KCNQ5: variants seen among roughly 807,000 people sequenced by gnomAD.
KCNQ5 encodes potassium voltage-gated channel subfamily Q member 5, also known as potassium voltage-gated channel subfamily KQT member 5.
Under a neutral mutation model 98.2 loss-of-function variants are expected in KCNQ5, and 30 were observed. That is an observed-to-expected ratio of 0.31 (90% CI 0.23 to 0.41). The LOEUF (loss-of-function observed/expected upper bound fraction) is 0.41. Among genes scored for constraint, KCNQ5 ranks in the 10% least tolerant of loss-of-function variants. KCNQ5 has a pLI of 1.00. For synonymous variants in KCNQ5, 458 were observed against 449.4 expected, an observed-to-expected ratio of 1.02 and a Z score of -0.24; for missense variants, 835 against 1,182.5, an observed-to-expected ratio of 0.71 and a Z score of 4.31.
rs1562129353 is a variant in KCNQ5 at position 73,017,643 on chromosome 6, C to T, written c.489+13645C>T. ...CAGGCTGGATTCAATGAAAACGCTG[C>T]AGACCTGGCTCCCTCCAGGGCTATA... On this transcript the variant is annotated intron_variant, in intron 2 of 13. Transcript: ENST00000370398. Among the ~76,000 whole-genome samples the T allele has an allele frequency of 2.6e-5, 4 of 152,294 alleles. No individual in the cohort carries two copies. The South Asian group carries it at 8.3e-4, about 32-fold the overall frequency.
intron 1 of KCNQ5, among the ~76,000 whole-genome samples, chr6:72,887,367 T>G (rs1284113007): frequency 3.3e-5 from 5 of 151,932 alleles, no homozygotes; most frequent in African/African-American, 1.2e-4. Context: ...TTATTCACCA[T>G]CACAAGAACA....
chr6:72,986,781 C>G, intron 1 of KCNQ5: 1 of 1,465,746 alleles, frequency 6.8e-7, no homozygotes, highest in South Asian at 1.1e-5. Context: ...GAAGAGGAAA[C>G]CAGAGTTGGC....
chr6:72,999,621 G>A (rs986654446), intron 1 of KCNQ5, among the ~76,000 whole-genome samples: 3 of 152,138 alleles, frequency 2.0e-5, no homozygotes, highest in African/African-American at 7.2e-5. Flanking sequence ...TTTTATGTGT[G>A]CCATGGGCCC....
At chr6:72,660,900 C>G (rs894029113) in intron 1 of KCNQ5, among the ~76,000 whole-genome samples, 1 of 151,744 alleles carries the variant, frequency 6.6e-6, no homozygotes, top group African/African-American at 2.4e-5. Flanking sequence ...TAATGATGGC[C>G]GGAACCAAAG....
At chr6:73,174,970 G>A (rs189077782) in intron 11 of KCNQ5, among the ~76,000 whole-genome samples, 7 of 152,132 alleles carry the variant, frequency 4.6e-5, no homozygotes, top group East Asian at 3.9e-4. Context: ...AGCTCCACCC[G>A]CTTCCATGAT....
chr6:72,945,756 G>C (rs942329493), intron 1 of KCNQ5, among the ~76,000 whole-genome samples: 8 of 151,942 alleles, frequency 5.3e-5, no homozygotes, highest in Non-Finnish European at 8.8e-5. Context: ...CTCCCCACCT[G>C]ATATATGTAT....
At chr6:73,063,740 TAGATA>T (rs1772927363) in intron 3 of KCNQ5, among the ~76,000 whole-genome samples, 1 of 142,950 alleles carries the variant, frequency 7.0e-6, no homozygotes, top group Non-Finnish European at 1.6e-5. Flanking sequence ...GATAGATAGA[TAGATA>T]GATAGATAGA....
At chr6:72,752,244 A>G (rs886236826) in intron 1 of KCNQ5, among the ~76,000 whole-genome samples, 1 of 152,134 alleles carries the variant, frequency 6.6e-6, no homozygotes, top group African/African-American at 2.4e-5. Context: ...CGTTAGTTAC[A>G]AACTAATTTC....
intron 2 of KCNQ5, among the ~76,000 whole-genome samples, chr6:73,022,720 T>A (rs1039007664): frequency 6.6e-6 from 1 of 152,142 alleles, no homozygotes; most frequent in Non-Finnish European, 1.5e-5. Flanking sequence ...CCTAAGTAAG[T>A]AGAATGAAAG....
At chr6:72,631,830 T>A (rs1371010351) in intron 1 of KCNQ5, among the ~76,000 whole-genome samples, 1 of 152,356 alleles carries the variant, frequency 6.6e-6, no homozygotes, top group South Asian at 2.1e-4. Flanking sequence ...GAAGTTTTTT[T>A]ATCACAAATA....
chr6:72,830,831 CT>C, intron 1 of KCNQ5, among the ~76,000 whole-genome samples: 1 of 152,234 alleles, frequency 6.6e-6, no homozygotes, highest in South Asian at 2.1e-4. Flanking sequence ...TTGCAATCTA[CT>C]CATCTGACAA....
At chr6:73,074,893 A>G (rs1181650635) in intron 3 of KCNQ5, among the ~76,000 whole-genome samples, 2 of 152,206 alleles carry the variant, frequency 1.3e-5, no homozygotes, top group Non-Finnish European at 2.9e-5. Flanking sequence ...ATGAGGTAGT[A>G]TATCTTTTTC....
chr6:72,747,940 G>A (rs1340272418), intron 1 of KCNQ5, among the ~76,000 whole-genome samples: 2 of 152,162 alleles, frequency 1.3e-5, no homozygotes, highest in Non-Finnish European at 2.9e-5. Context: ...CTCCCAAACT[G>A]TAGTTCAGTG....
At chr6:72,924,866 T>C (rs1425597957) in intron 1 of KCNQ5, among the ~76,000 whole-genome samples, 3 of 152,214 alleles carry the variant, frequency 2.0e-5, no homozygotes, top group African/African-American at 7.2e-5. Flanking sequence ...TTCCTCATCT[T>C]ATTCCTTTTT....
At chr6:72,809,027 G>A (rs1775097318) in intron 1 of KCNQ5, among the ~76,000 whole-genome samples, 2 of 151,566 alleles carry the variant, frequency 1.3e-5, no homozygotes, top group Admixed American at 6.6e-5. Context: ...TTAAGAAAAT[G>A]TGGCACATAT....
chr6:72,936,235 C>T (rs1307736144), intron 1 of KCNQ5, among the ~76,000 whole-genome samples: 2 of 152,172 alleles, frequency 1.3e-5, no homozygotes, highest in African/African-American at 4.8e-5. Flanking sequence ...AAATAACCTA[C>T]CCACCTATTC....
intron 1 of KCNQ5, among the ~76,000 whole-genome samples, chr6:72,907,903 A>AT (rs1779766243): frequency 6.6e-6 from 1 of 152,112 alleles, no homozygotes; most frequent in Non-Finnish European, 1.5e-5. Flanking sequence ...CATTAAGAGA[A>AT]TAAAAACTTA....
chr6:72,941,210 C>T (rs1387099589), intron 1 of KCNQ5, among the ~76,000 whole-genome samples: 1 of 151,592 alleles, frequency 6.6e-6, no homozygotes, highest in Non-Finnish European at 1.5e-5. Flanking sequence ...ATTTTTTAAC[C>T]TTGCTTCCTT....
At chr6:73,076,353 GA>G (rs1272576278) in intron 3 of KCNQ5, among the ~76,000 whole-genome samples, 7 of 152,190 alleles carry the variant, frequency 4.6e-5, no homozygotes, top group Non-Finnish European at 1.0e-4. Flanking sequence ...GAGCAGGAAG[GA>G]AATTGTATTT....
Sources: allele counts gnomAD v4.1 joint callset (sites outside exome capture counted in the v4.1 genomes callset), GRCh38; gene constraint gnomAD v4.1.1; transcripts MANE v1.5; gene names NCBI Gene and HGNC (gene_info 2026-07-23, HGNC 2026-07-21).